The following ITGBL1 variants were observed in gnomAD, a reference collection of about 807,000 sequenced individuals.
The protein encoded by ITGBL1 is integrin subunit beta like 1.
A neutral mutation model predicts 68.5 loss-of-function variants in ITGBL1; 51 were observed. That is an observed-to-expected ratio of 0.74 (90% CI 0.59 to 0.94). The LOEUF (loss-of-function observed/expected upper bound fraction) is 0.94, where lower values mean the gene tolerates loss of function less well. Ranked by LOEUF, ITGBL1 falls within the 40% of genes least tolerant of loss-of-function variation. The pLI, the probability that ITGBL1 is intolerant of heterozygous loss-of-function variation, is 0.00. For missense variants in ITGBL1, 649 were observed against 647.4 expected (o/e 1.00, Z -0.03); for synonymous variants, 209 against 227.3 (o/e 0.92, Z 0.72).
At chr13:101,524,867 T>C (rs2049348033) in intron 2 of ITGBL1, among the ~76,000 whole-genome samples, 1 of 152,144 alleles carries the variant, frequency 6.6e-6, no homozygotes, top group Admixed American at 6.6e-5. Flanking sequence ...TCTCCTACTG[T>C]AGTATCAGGT....
intron 7 of ITGBL1, among the ~76,000 whole-genome samples, chr13:101,599,055 G>T (rs2030183287): frequency 6.6e-6 from 1 of 152,192 alleles, no homozygotes. Context: ...CCCACCAACA[G>T]TGTAAAAGTG....
chr13:101,513,962 GTGTT>G (rs777156041), intron 2 of ITGBL1, among the ~76,000 whole-genome samples: 8 of 151,936 alleles, frequency 5.3e-5, no homozygotes, highest in African/African-American at 1.7e-4. Context: ...TATTTATATA[GTGTT>G]TGTTTATTCA....
At chr13:101,622,607 C>G (rs76667529) in intron 7 of ITGBL1, among the ~76,000 whole-genome samples, 1 of 152,068 alleles carries the variant, frequency 6.6e-6, no homozygotes, top group Non-Finnish European at 1.5e-5. Context: ...TTTCTAAAAC[C>G]TAGAATCTAG....
chr13:101,623,391 T>C (rs961521846), intron 7 of ITGBL1, among the ~76,000 whole-genome samples: 12 of 152,158 alleles, frequency 7.9e-5, no homozygotes, highest in African/African-American at 2.9e-4. Flanking sequence ...TCAAGTTTCA[T>C]ATCTTTGTGT....
At chr13:101,466,641 T>A (rs2139633359) in intron 2 of ITGBL1, among the ~76,000 whole-genome samples, 1 of 152,350 alleles carries the variant, frequency 6.6e-6, no homozygotes, top group South Asian at 2.1e-4. Context: ...ACGTGTTTTC[T>A]TATGTTTACA....
chr13:101,591,028 A>G (rs973471376), intron 6 of ITGBL1, among the ~76,000 whole-genome samples: 2 of 152,120 alleles, frequency 1.3e-5, no homozygotes, highest in Admixed American at 1.3e-4. Context: ...CTAGCCTCCC[A>G]AGTAGCTGAA....
chr13:101,651,819 C>A (rs995072622), intron 7 of ITGBL1, among the ~76,000 whole-genome samples: 2 of 152,078 alleles, frequency 1.3e-5, no homozygotes, highest in African/African-American at 4.8e-5. Flanking sequence ...ACATTGAAGT[C>A]TTTAATCCAT....
chr13:101,692,856 T>G, intron 8 of ITGBL1, 155 bp downstream of exon 8: 1 of 640,580 alleles, frequency 1.6e-6, no homozygotes. Flanking sequence ...ACAATTAGGT[T>G]TGTAATGACT....
At chr13:101,455,791 A>G (rs958333157) in intron 2 of ITGBL1, among the ~76,000 whole-genome samples, 6 of 152,208 alleles carry the variant, frequency 3.9e-5, no homozygotes, top group Admixed American at 1.3e-4. Context: ...ACCGCCTAAT[A>G]TTTCATTCCA....
intron 4 of ITGBL1, among the ~76,000 whole-genome samples, chr13:101,576,541 G>T (rs2050362289): frequency 6.6e-6 from 1 of 152,188 alleles, no homozygotes; most frequent in South Asian, 2.1e-4. Context: ...AAGGAAGACT[G>T]CCCTGCGTGC....
rs190136984 is a variant in ITGBL1, at chr13:101,481,612, A to G, written c.316+27512A>G. On this transcript the variant is annotated intron_variant, in intron 2 of 10. Coordinates refer to ENST00000376180, the MANE Select transcript of ITGBL1 (RefSeq NM_004791.3). ...TTTTTGGTTTGAATTTCAAGTTAAA[A>G]CCCTGAATATCTGGAGGAACACCCA... Among the ~76,000 whole-genome samples, 591 of 151,988 alleles carry G rather than the reference A, an allele frequency of 3.9e-3. 3 individuals are homozygous for G. The highest frequency in any genetic ancestry group is 0.014 in the Middle Eastern group (4 of 294).
At chr13:101,557,890 A>C (rs2050033733) in intron 2 of ITGBL1, among the ~76,000 whole-genome samples, 2 of 152,076 alleles carry the variant, frequency 1.3e-5, no homozygotes, top group Admixed American at 6.5e-5. Flanking sequence ...GGAGATTGAG[A>C]CCATCCTGGC....
At chr13:101,612,628 A>G (rs1183492494) in intron 7 of ITGBL1, among the ~76,000 whole-genome samples, 3 of 152,130 alleles carry the variant, frequency 2.0e-5, no homozygotes, top group Non-Finnish European at 4.4e-5. Context: ...GTCTAGATAT[A>G]TTCTGGATAA....
At chr13:101,639,242 A>G (rs993304596) in intron 7 of ITGBL1, among the ~76,000 whole-genome samples, 1 of 152,200 alleles carries the variant, frequency 6.6e-6, no homozygotes, top group Non-Finnish European at 1.5e-5. Context: ...CAGACTTCTC[A>G]TAGATTTTCT....
At chr13:101,614,433 G>C (rs1035465326) in intron 7 of ITGBL1, among the ~76,000 whole-genome samples, 1 of 152,102 alleles carries the variant, frequency 6.6e-6, no homozygotes. Flanking sequence ...ATGTGTTGAG[G>C]AGAGGCATTC....
At chr13:101,527,138 A>G (rs1216892212) in intron 2 of ITGBL1, among the ~76,000 whole-genome samples, 1 of 152,064 alleles carries the variant, frequency 6.6e-6, no homozygotes, top group African/African-American at 2.4e-5. Context: ...ACCCATTTAA[A>G]GTATACACTT....
At chr13:101,648,215 A>T (rs1478667386) in intron 7 of ITGBL1, among the ~76,000 whole-genome samples, 1 of 152,236 alleles carries the variant, frequency 6.6e-6, no homozygotes, top group Non-Finnish European at 1.5e-5. Flanking sequence ...AAATAAGCAG[A>T]CAACAACAAA....
intron 2 of ITGBL1, among the ~76,000 whole-genome samples, chr13:101,491,596 C>T (rs147715883): frequency 5.9e-5 from 9 of 152,136 alleles, no homozygotes; most frequent in East Asian, 3.9e-4. Flanking sequence ...AATTCTGAAT[C>T]ACCTGGATGA....
chr13:101,608,212 C>G (rs2030962811), intron 7 of ITGBL1, among the ~76,000 whole-genome samples: 1 of 152,002 alleles, frequency 6.6e-6, no homozygotes, highest in Non-Finnish European at 1.5e-5. Context: ...AATTCCCTTA[C>G]CTAGGAACAT....
Sources: gnomAD v4.1 joint callset for allele counts (sites outside exome capture counted in the v4.1 genomes callset) on GRCh38, gnomAD v4.1.1 for gene constraint, MANE v1.5 for transcripts, NCBI Gene and HGNC (gene_info 2026-07-23, HGNC 2026-07-21) for gene names.